KSR2: variants seen among roughly 807,000 people sequenced by gnomAD.
The protein encoded by KSR2 is kinase suppressor of ras 2.
Under a neutral mutation model 107.8 loss-of-function variants are expected in KSR2, and 25 were observed. That is an observed-to-expected ratio of 0.23 (90% CI 0.17 to 0.32). The LOEUF (loss-of-function observed/expected upper bound fraction) is 0.32, where lower values mean the gene tolerates loss of function less well. Ranked by LOEUF, KSR2 falls within the 10% of genes least tolerant of loss-of-function variation. The pLI is 1.00. For missense variants in KSR2, 887 were observed against 1,268.9 expected (o/e 0.70, Z 4.57); for synonymous variants, 480 against 507.0 (o/e 0.95, Z 0.71).
chr12:117,824,738 T>A (rs982285957), intron 3 of KSR2, among the ~76,000 whole-genome samples: 1 of 150,294 alleles, frequency 6.7e-6, no homozygotes, highest in Non-Finnish European at 1.5e-5. Flanking sequence ...GCGCCTGTAG[T>A]CCCAGCTACT....
In KSR2 at chr12:117,503,869, G is replaced by A. The variant is rs112375262; in HGVS notation, c.2220-18178C>T. Among the ~76,000 whole-genome samples, 350 of 152,274 alleles carry A rather than the reference G, an allele frequency of 2.3e-3. 1 individual carries two copies. Among genetic ancestry groups the A allele is most frequent in the Middle Eastern group, 6.8e-3 (2 of 294 alleles). On this transcript the variant is annotated intron_variant, in intron 14 of 19. Transcript: ENST00000339824. ...AGCAAAAATAAGAGACTGCAGCTAG[G>A]ATCAAACTTCCATAATAAACATCAC...
chr12:117,714,694 C>T (rs1271354949), intron 4 of KSR2, among the ~76,000 whole-genome samples: 2 of 152,108 alleles, frequency 1.3e-5, no homozygotes, highest in Admixed American at 6.6e-5. Flanking sequence ...TCACAAAGTC[C>T]CTGTTCTCAA....
intron 16 of KSR2, among the ~76,000 whole-genome samples, chr12:117,479,481 T>C (rs932874015): frequency 3.9e-5 from 6 of 152,184 alleles, no homozygotes; most frequent in Admixed American, 1.3e-4. Context: ...ACGGGGGCTG[T>C]CCTGGGCATT....
intron 14 of KSR2, among the ~76,000 whole-genome samples, chr12:117,516,099 T>C (rs1015144418): frequency 1.3e-5 from 2 of 152,122 alleles, no homozygotes; most frequent in African/African-American, 4.8e-5. Flanking sequence ...CGGGCCACAA[T>C]GCTGCAGGTG....
At chr12:117,880,424 A>AT (rs375689913) in intron 1 of KSR2, among the ~76,000 whole-genome samples, 35 of 152,104 alleles carry the variant, frequency 2.3e-4, no homozygotes, top group African/African-American at 7.9e-4. Context: ...TCTGCAGACA[A>AT]TTTTTTAGCA....
chr12:117,673,813 T>C (rs1302272112), intron 4 of KSR2, among the ~76,000 whole-genome samples: 1 of 152,260 alleles, frequency 6.6e-6, no homozygotes, highest in African/African-American at 2.4e-5. Context: ...CTTTGTAGGA[T>C]ATTAGATATC....
Position 117,471,325 on chromosome 12 carries a change from T to C in KSR2, c.2583-5A>G, listed in dbSNP as rs746629664. The C allele has an allele frequency of 6.2e-7, 1 of 1,612,050 alleles. No individual in the cohort carries two copies. The highest frequency in any genetic ancestry group is 1.3e-5 in the African/African-American group (1 of 74,808). On this transcript the variant is annotated splice_polypyrimidine_tract_variant and splice_region_variant and intron_variant, in intron 17 of 19. Transcript: ENST00000339824. ...TGGAGTTCATACCAGATTGTGCTGT[T>C]GGCAGACGTTGTTAAAGGGGTGTTG...
intron 7 of KSR2, among the ~76,000 whole-genome samples, chr12:117,577,813 T>C (rs546870784): frequency 6.6e-6 from 1 of 152,258 alleles, no homozygotes; most frequent in African/African-American, 2.4e-5. Context: ...GTGGGAATAG[T>C]GGGAGCTGCA....
At chr12:117,483,995 T>C (rs933587971) in intron 16 of KSR2, among the ~76,000 whole-genome samples, 2 of 152,222 alleles carry the variant, frequency 1.3e-5, no homozygotes, top group African/African-American at 4.8e-5. Context: ...TGTCAGGCCA[T>C]GGGTGCCTCT....
chr12:117,886,685 T>G (rs772371057), intron 1 of KSR2, among the ~76,000 whole-genome samples: 8 of 152,172 alleles, frequency 5.3e-5, no homozygotes, highest in Non-Finnish European at 1.2e-4. Context: ...AGTATACATA[T>G]AATTATATAT....
intron 5 of KSR2, among the ~76,000 whole-genome samples, chr12:117,584,281 AT>A (rs1879862770): frequency 1.3e-5 from 2 of 152,044 alleles, no homozygotes; most frequent in African/African-American, 4.8e-5. Context: ...AGAAAAAAAA[AT>A]TTTTAAGAGA....
At chr12:117,638,923 G>GC (rs1007763351) in intron 5 of KSR2, among the ~76,000 whole-genome samples, 2 of 150,438 alleles carry the variant, frequency 1.3e-5, no homozygotes, top group African/African-American at 2.5e-5. Context: ...CAAAATGAAT[G>GC]CCCCCCAAAA....
At chr12:117,928,801 T>C (rs1489871586) in intron 1 of KSR2, among the ~76,000 whole-genome samples, 1 of 152,228 alleles carries the variant, frequency 6.6e-6, no homozygotes, top group African/African-American at 2.4e-5. Flanking sequence ...CTTGAATTAT[T>C]TTTTTCACAT....
intron 1 of KSR2, among the ~76,000 whole-genome samples, chr12:117,954,964 C>T (rs1321277608): frequency 6.6e-6 from 1 of 150,780 alleles, no homozygotes; most frequent in Non-Finnish European, 1.5e-5. Flanking sequence ...TTGCAGTGAG[C>T]TGAGATCGCG....
At chr12:117,557,860 C>G (rs1204730134) in intron 8 of KSR2, among the ~76,000 whole-genome samples, 1 of 152,156 alleles carries the variant, frequency 6.6e-6, no homozygotes, top group Non-Finnish European at 1.5e-5. Flanking sequence ...GAAAGCTGCA[C>G]TACAAAAGTT....
chr12:117,876,554 G>C (rs1893859096), intron 1 of KSR2, among the ~76,000 whole-genome samples: 1 of 152,074 alleles, frequency 6.6e-6, no homozygotes, highest in Non-Finnish European at 1.5e-5. Flanking sequence ...TAGAAAAAAG[G>C]GTTTATATAT....
chr12:117,744,584 G>A (rs1478682026), intron 4 of KSR2, among the ~76,000 whole-genome samples: 1 of 152,170 alleles, frequency 6.6e-6, no homozygotes, highest in African/African-American at 2.4e-5. Context: ...TTGGCTAGCA[G>A]GAAGGGAAGG....
At chr12:117,797,466 G>A in intron 3 of KSR2, among the ~76,000 whole-genome samples, 1 of 152,144 alleles carries the variant, frequency 6.6e-6, no homozygotes, top group East Asian at 1.9e-4. Context: ...AAGGGTAGTT[G>A]CCAGAGACTG....
chr12:117,800,411 C>T (rs187193967), intron 3 of KSR2, among the ~76,000 whole-genome samples: 3 of 152,176 alleles, frequency 2.0e-5, no homozygotes, highest in Non-Finnish European at 4.4e-5. Flanking sequence ...GTCCAAGAGT[C>T]ACAGAGGCCT....
Sources: allele counts gnomAD v4.1 joint callset (sites outside exome capture counted in the v4.1 genomes callset), GRCh38; gene constraint gnomAD v4.1.1; transcripts MANE v1.5; gene names NCBI Gene and HGNC (gene_info 2026-07-23, HGNC 2026-07-21).